Variants in CSMD3 observed in about 807,000 individuals in gnomAD.
The protein encoded by CSMD3 is CUB and Sushi multiple domains 3, also known as CUB and sushi domain-containing protein 3.
In CSMD3, 177 loss-of-function variants were observed where a neutral mutation model predicts 435.2. The ratio of observed to expected loss-of-function variants is 0.41; its 90% CI spans 0.36 to 0.46. The LOEUF (loss-of-function observed/expected upper bound fraction) is 0.46. Among genes scored for constraint, CSMD3 ranks in the 20% least tolerant of loss-of-function variants. CSMD3 has a pLI of 0.34. For synonymous variants in CSMD3, 1,656 were observed against 1,520.5 expected (o/e 1.09, Z -2.07); for missense variants, 4,265 against 4,504.6 (o/e 0.95, Z 1.52).
intron 4 of CSMD3, among the ~76,000 whole-genome samples, chr8:113,169,647 T>C (rs2092230635): frequency 6.6e-6 from 1 of 152,214 alleles, no homozygotes; most frequent in Non-Finnish European, 1.5e-5. Flanking sequence ...AAAGTATGTG[T>C]CTCTTTTACA....
intron 32 of CSMD3, among the ~76,000 whole-genome samples, chr8:112,449,152 T>G (rs984367871): frequency 1.8e-4 from 28 of 152,316 alleles, no homozygotes; most frequent in Admixed American, 1.7e-3. Context: ...CTGAATTGGC[T>G]TAAGTGAATC....
chr8:113,210,470 A>G lies in CSMD3; in HGVS notation c.515-36554T>C, dbSNP rs139242416. ...AAATACGAAAAATATCAATAATAATAATAGCAACTTTCACAAGTAAAAATG... is the reference window on the plus strand; with the variant it reads ...AAATACGAAAAATATCAATAATAATGATAGCAACTTTCACAAGTAAAAATG... On this transcript the variant is annotated intron_variant, in intron 3 of 70. Coordinates refer to ENST00000297405, the MANE Select transcript of CSMD3 (RefSeq NM_198123.2). Among the ~76,000 whole-genome samples the G allele has an allele frequency of 3.1e-3, 476 of 152,270 alleles. 2 individuals are homozygous for G. Among genetic ancestry groups the G allele is most frequent in the African/African-American group, 9.6e-3 (397 of 41,554 alleles).
At chr8:112,937,026 C>CTA (rs2083300260) in intron 9 of CSMD3, among the ~76,000 whole-genome samples, 1 of 152,016 alleles carries the variant, frequency 6.6e-6, no homozygotes, top group Non-Finnish European at 1.5e-5. Context: ...AGTAGACAAT[C>CTA]TATAGAGTGT....
At chr8:112,767,277 C>T (rs924911246) in intron 13 of CSMD3, among the ~76,000 whole-genome samples, 2 of 151,808 alleles carry the variant, frequency 1.3e-5, no homozygotes, top group Non-Finnish European at 2.9e-5. Flanking sequence ...TGGAGAGAGA[C>T]AGTGGTTAAT....
At chr8:112,515,590 A>C (rs1383505784) in intron 28 of CSMD3, among the ~76,000 whole-genome samples, 1 of 152,126 alleles carries the variant, frequency 6.6e-6, no homozygotes, top group Non-Finnish European at 1.5e-5. Flanking sequence ...GCAGTGGTAC[A>C]TGAAGAACAA....
At position 112,292,502 on chromosome 8, in the gene CSMD3, C is replaced by T. The variant is rs765369123; in HGVS notation, c.8788+35G>A. 6.9e-6 allele frequency: 11 copies of T among 1,602,452 alleles called. No individual in the cohort carries two copies. The South Asian group carries it at 7.7e-5, about 11-fold the overall frequency. On this transcript the variant is annotated intron_variant, in intron 55 of 70. Transcript: ENST00000297405. ...CTGATGTTTATGTGAATATTATTAT[C>T]ATGCCACCAAATGGGAATATACTTA...
At chr8:113,255,148 A>G (rs190461285) in intron 3 of CSMD3, among the ~76,000 whole-genome samples, 68 of 152,258 alleles carry the variant, frequency 4.5e-4, no homozygotes, top group Non-Finnish European at 7.2e-4. Flanking sequence ...AGTGCTCCAA[A>G]TAATAAACAA....
chr8:113,251,914 T>A (rs954388475), intron 3 of CSMD3, among the ~76,000 whole-genome samples: 30 of 152,110 alleles, frequency 2.0e-4, no homozygotes, highest in African/African-American at 7.2e-4. Flanking sequence ...TTTAAAAGTG[T>A]ATACATAAAT....
intron 5 of CSMD3, among the ~76,000 whole-genome samples, chr8:113,035,879 A>T (rs1006321478): frequency 1.3e-5 from 2 of 151,976 alleles, no homozygotes; most frequent in Non-Finnish European, 2.9e-5. Flanking sequence ...TGCAAACTAT[A>T]AATATTCTAA....
At chr8:112,510,427 G>A (rs1822988995) in intron 28 of CSMD3, among the ~76,000 whole-genome samples, 2 of 152,000 alleles carry the variant, frequency 1.3e-5, no homozygotes, top group African/African-American at 2.4e-5. Flanking sequence ...GTTCTTCCAT[G>A]ACTTTACTCA....
chr8:112,614,436 C>G (rs1833509927), intron 22 of CSMD3, among the ~76,000 whole-genome samples: 1 of 152,034 alleles, frequency 6.6e-6, no homozygotes, highest in East Asian at 1.9e-4. Context: ...TTTGTAATGA[C>G]CCACAGAACC....
chr8:112,917,805 C>T (rs1172335897), intron 10 of CSMD3, among the ~76,000 whole-genome samples: 1 of 151,958 alleles, frequency 6.6e-6, no homozygotes, highest in Non-Finnish European at 1.5e-5. Flanking sequence ...GATAACCTCT[C>T]CAATTTTATC....
intron 3 of CSMD3, among the ~76,000 whole-genome samples, chr8:113,264,520 A>G (rs1449435304): frequency 6.6e-6 from 1 of 151,418 alleles, no homozygotes; most frequent in Admixed American, 6.6e-5. Flanking sequence ...TTTCACATGA[A>G]GCACAAAGCT....
intron 37 of CSMD3, among the ~76,000 whole-genome samples, chr8:112,381,807 T>C (rs1201746396): frequency 6.6e-6 from 1 of 152,138 alleles, no homozygotes; most frequent in African/African-American, 2.4e-5. Flanking sequence ...ATTCTAACAT[T>C]AGTTGTACAA....
chr8:112,389,591 C>T (rs1043221376), intron 36 of CSMD3, among the ~76,000 whole-genome samples: 8 of 152,090 alleles, frequency 5.3e-5, no homozygotes, highest in African/African-American at 1.7e-4. Context: ...ATTTTTAAAA[C>T]GTCTGAACAA....
intron 11 of CSMD3, among the ~76,000 whole-genome samples, chr8:112,843,072 A>G (rs893878329): frequency 2.6e-5 from 4 of 151,908 alleles, no homozygotes; most frequent in African/African-American, 9.7e-5. Context: ...GCTTTCTAGA[A>G]TAAGCATCAA....
chr8:113,202,009 C>T (rs887641966), intron 3 of CSMD3, among the ~76,000 whole-genome samples: 2 of 151,952 alleles, frequency 1.3e-5, no homozygotes, highest in African/African-American at 4.8e-5. Flanking sequence ...AAAACAGAGC[C>T]ACAAAGCTGG....
At chr8:112,375,115 C>T (rs1053748457) in intron 38 of CSMD3, among the ~76,000 whole-genome samples, 3 of 152,092 alleles carry the variant, frequency 2.0e-5, no homozygotes, top group Non-Finnish European at 2.9e-5. Flanking sequence ...TTCTTTCTTA[C>T]ATTTTTTAGT....
intron 3 of CSMD3, among the ~76,000 whole-genome samples, chr8:113,236,319 A>ACT (rs1329614079): frequency 6.6e-6 from 1 of 152,084 alleles, no homozygotes; most frequent in East Asian, 1.9e-4. Flanking sequence ...TGAGCAGCCC[A>ACT]CTCTTGCCTC....
Sources: gnomAD v4.1 joint callset for allele counts (sites outside exome capture counted in the v4.1 genomes callset) on GRCh38, gnomAD v4.1.1 for gene constraint, MANE v1.5 for transcripts, NCBI Gene and HGNC (gene_info 2026-07-23, HGNC 2026-07-21) for gene names.